TEKTL1: variants seen among roughly 807,000 people sequenced by gnomAD.
The protein encoded by TEKTL1 is tektin like 1.
At chr19:15,011,990 G>A in the TEKTL1 span, among the ~76,000 whole-genome samples, 1 of 151,800 alleles carries the variant, frequency 6.6e-6, no homozygotes, top group Non-Finnish European at 1.5e-5. Flanking sequence ...GTGTGTTGGT[G>A]CACACCTGTA....
chr19:15,022,885 G>C, the TEKTL1 span: 1 of 1,595,686 alleles, frequency 6.3e-7, no homozygotes, highest in Non-Finnish European at 8.5e-7. Context: ...CCGACAAGCT[G>C]CAGTGCCACA....
the TEKTL1 span, chr19:15,011,131 G>C: frequency 6.5e-7 from 1 of 1,529,802 alleles, no homozygotes; most frequent in Non-Finnish European, 8.7e-7. Context: ...AGATGAAGCC[G>C]CCCGCCTGGT....
chr19:15,014,309 G>A, the TEKTL1 span, among the ~76,000 whole-genome samples: 4 of 152,112 alleles, frequency 2.6e-5, 1 homozygote, highest in South Asian at 8.3e-4. Context: ...GTTAAGGTTC[G>A]CTGGAAATTT....
the TEKTL1 span, chr19:15,021,301 G>C: frequency 6.3e-7 from 1 of 1,598,762 alleles, no homozygotes; most frequent in Non-Finnish European, 8.5e-7. Context: ...AGGGACAGGG[G>C]CTCTGGGAAC....
chr19:15,015,943 A>G, the TEKTL1 span, among the ~76,000 whole-genome samples: 1 of 152,160 alleles, frequency 6.6e-6, no homozygotes, highest in Non-Finnish European at 1.5e-5. Context: ...GCATATGTCA[A>G]CTTGCTCATG....
At chr19:15,016,654 A>G in the TEKTL1 span, among the ~76,000 whole-genome samples, 3 of 152,254 alleles carry the variant, frequency 2.0e-5, no homozygotes, top group African/African-American at 7.2e-5. Context: ...GAAGCTGGAC[A>G]TAAAGTGTAC....
chr19:15,021,429 C>A, the TEKTL1 span: 1 of 1,614,238 alleles, frequency 6.2e-7, no homozygotes, highest in Non-Finnish European at 8.5e-7. Flanking sequence ...TGGCAAAGAA[C>A]GAGGTGGACG....
At chr19:15,019,311 T>C in the TEKTL1 span, among the ~76,000 whole-genome samples, 1,466 of 152,296 alleles carry the variant, frequency 9.6e-3, 29 homozygotes, top group African/African-American at 0.034. Context: ...ACACTTTAAA[T>C]AAATACAATT....
the TEKTL1 span, among the ~76,000 whole-genome samples, chr19:15,012,080 AC>A: frequency 6.7e-6 from 1 of 148,594 alleles, no homozygotes; most frequent in South Asian, 2.2e-4. Flanking sequence ...ACATAGTGAG[AC>A]CCCGTCTCTA....
chr19:15,022,015 C>A, the TEKTL1 span: 2 of 948,514 alleles, frequency 2.1e-6, no homozygotes, highest in Non-Finnish European at 3.2e-6. Flanking sequence ...CCCCCTCTCA[C>A]CCAAGTCGGC....
chr19:15,011,043 T>C, the TEKTL1 span: 1 of 1,578,214 alleles, frequency 6.3e-7, no homozygotes, highest in African/African-American at 1.3e-5. Context: ...CCCTGGCGCT[T>C]CCGCGTGGAG....
chr19:15,017,484 G>A, the TEKTL1 span, among the ~76,000 whole-genome samples: 5 of 152,272 alleles, frequency 3.3e-5, no homozygotes, highest in African/African-American at 1.2e-4. Flanking sequence ...TCGATGGCGG[G>A]ATGCTGTCCA....
the TEKTL1 span, chr19:15,011,231 A>G: frequency 2.0e-6 from 3 of 1,479,360 alleles, no homozygotes; most frequent in African/African-American, 4.4e-5. Context: ...AGCGCGCCTC[A>G]CCGCCGCCCG....
At chr19:15,013,217 G>T in the TEKTL1 span, among the ~76,000 whole-genome samples, 1 of 152,034 alleles carries the variant, frequency 6.6e-6, no homozygotes, top group Non-Finnish European at 1.5e-5. Context: ...CCCACAGAAT[G>T]GGATTCCTAC....
At chr19:15,021,557 CA>C in the TEKTL1 span, 1 of 1,613,510 alleles carries the variant, frequency 6.2e-7, no homozygotes, top group Non-Finnish European at 8.5e-7. Context: ...CAGGGTGGGA[CA>C]GGGGAGGAGA....
chr19:15,022,736 C>A, the TEKTL1 span: 1 of 750,846 alleles, frequency 1.3e-6, no homozygotes, highest in Non-Finnish European at 1.9e-6. Context: ...TTTTTTTTTC[C>A]AGGCACACCT....
At chr19:15,011,558 A>C in the TEKTL1 span, among the ~76,000 whole-genome samples, 1 of 151,696 alleles carries the variant, frequency 6.6e-6, no homozygotes, top group African/African-American at 2.4e-5. Context: ...ACATGGTGAA[A>C]CCCCCGTCTC....
At chr19:15,018,776 G>C in the TEKTL1 span, among the ~76,000 whole-genome samples, 1 of 136,024 alleles carries the variant, frequency 7.4e-6, no homozygotes, top group Non-Finnish European at 1.6e-5. Flanking sequence ...CCCATCACCT[G>C]GGAAAAATGT....
At chr19:15,013,611 A>G in the TEKTL1 span, 1 of 1,306,762 alleles carries the variant, frequency 7.7e-7, no homozygotes, top group African/African-American at 1.5e-5. Context: ...CCACCCTGGA[A>G]AGAGGAATCT....
Sources: allele counts gnomAD v4.1 joint callset (sites outside exome capture counted in the v4.1 genomes callset), GRCh38; gene constraint gnomAD v4.1.1; transcripts MANE v1.5; gene names NCBI Gene and HGNC (gene_info 2026-07-23, HGNC 2026-07-21).